CCNH: variants seen among roughly 807,000 people sequenced by gnomAD.
CCNH encodes cyclin H.
In CCNH, 31 loss-of-function variants were observed where a neutral mutation model predicts 41.9. The observed-to-expected ratio is 0.74, with a 90% CI of 0.56 to 1.00. CCNH has a LOEUF of 1.00. Ranked by LOEUF, CCNH falls within the 50% of genes least tolerant of loss-of-function variation. The pLI is 0.00. For missense variants in CCNH, 362 were observed against 388.4 expected (o/e 0.93, Z 0.57); for synonymous variants, 138 against 136.1 (o/e 1.01, Z -0.10).
chr5:87,389,728 G>A (rs1762346985), downstream of CCNH, among the ~76,000 whole-genome samples: 1 of 152,146 alleles, frequency 6.6e-6, no homozygotes, highest in South Asian at 2.1e-4. Flanking sequence ...AAAAACATCA[G>A]GTTTTGCTCT....
At chr5:87,376,846 C>T (rs207466197) in exon 1 of CCNH, 6 of 1,547,518 alleles carry the variant, frequency 3.9e-6, no homozygotes, top group Admixed American at 3.3e-5. Context: ...TATAATGCTA[C>T]GTACTTTAAA....
intron 9 of CCNH, among the ~76,000 whole-genome samples, chr5:87,346,927 T>C (rs888171427): frequency 2.0e-5 from 3 of 152,026 alleles, no homozygotes; most frequent in Non-Finnish European, 4.4e-5. Context: ...GTGTTTTTCT[T>C]TTACCCCAGG....
chr5:87,406,050 A>C (rs1343712468), intron 4 of CCNH, among the ~76,000 whole-genome samples: 2 of 152,134 alleles, frequency 1.3e-5, no homozygotes, highest in African/African-American at 4.8e-5. Context: ...AATATTTTCC[A>C]TCTGTCTTAA....
chr5:87,389,273 G>T, downstream of CCNH: 2 of 1,328,596 alleles, frequency 1.5e-6, no homozygotes, highest in African/African-American at 2.9e-5. Context: ...GGAGGTTGCA[G>T]TGAGCCGAGA....
chr5:87,389,469 T>C, downstream of CCNH: 2 of 1,614,178 alleles, frequency 1.2e-6, no homozygotes, highest in Non-Finnish European at 1.7e-6. Context: ...TTGCATGAGA[T>C]TTGCGTGGCT....
At chr5:87,388,172 G>GTCAGTTC (rs569800336), downstream of CCNH, among the ~76,000 whole-genome samples, 5 of 152,292 alleles carry the variant, frequency 3.3e-5, no homozygotes, top group South Asian at 1.0e-3. Flanking sequence ...TTCTACTGGA[G>GTCAGTTC]TCAGTTCTCT....
intron 9 of CCNH, among the ~76,000 whole-genome samples, chr5:87,324,652 T>G (rs1333424423): frequency 6.6e-6 from 1 of 152,232 alleles, no homozygotes; most frequent in Non-Finnish European, 1.5e-5. Context: ...CATGCACGCA[T>G]GTGCACACAC....
chr5:87,395,033 G>A lies in CCNH; in HGVS notation c.933+11C>T. On this transcript the variant is annotated intron_variant, in intron 8 of 8. Coordinates refer to ENST00000256897, the MANE Select transcript of CCNH (RefSeq NM_001239.4). ...AAATAACTTAGAGTTCATCTTTGGA[G>A]TAAAACATACCTCCTCATGTTTGGA... 1 of 1,609,932 alleles carries A rather than the reference G, an allele frequency of 6.2e-7. No individual in the cohort carries two copies. Among genetic ancestry groups the A allele is most frequent in the Non-Finnish European group, 8.5e-7 (1 of 1,176,544 alleles).
chr5:87,366,738 TTTTTC>T (rs1468145484), intron 9 of CCNH, among the ~76,000 whole-genome samples: 1 of 152,190 alleles, frequency 6.6e-6, no homozygotes, highest in Non-Finnish European at 1.5e-5. Flanking sequence ...AGAAAACAGA[TTTTTC>T]TTTTAAGACT....
chr5:87,386,826 G>A, downstream of CCNH: 1 of 1,612,066 alleles, frequency 6.2e-7, no homozygotes, highest in Non-Finnish European at 8.5e-7. Context: ...TATTTTTCAG[G>A]AGCCCTACAT....
chr5:87,385,436 T>TTA (rs770236679), intron 9 of CCNH: 1 of 1,387,212 alleles, frequency 7.2e-7, no homozygotes, highest in Admixed American at 1.7e-5. Flanking sequence ...AATGCAAGTT[T>TTA]GACATGATAA....
intron 9 of CCNH, among the ~76,000 whole-genome samples, chr5:87,385,665 T>C (rs1762014264): frequency 6.6e-6 from 1 of 152,066 alleles, no homozygotes; most frequent in African/African-American, 2.4e-5. Flanking sequence ...ATGAGTACAT[T>C]TTAATACAAA....
intron 9 of CCNH, among the ~76,000 whole-genome samples, chr5:87,370,957 C>G (rs2112477342): frequency 6.6e-6 from 1 of 152,238 alleles, no homozygotes; most frequent in Non-Finnish European, 1.5e-5. Context: ...ATGTAATGCA[C>G]ATAAAATTTT....
At chr5:87,363,523 A>C (rs768272827) in intron 9 of CCNH, 4 of 1,605,980 alleles carry the variant, frequency 2.5e-6, no homozygotes, top group Non-Finnish European at 3.4e-6. Flanking sequence ...CTGGTTTCCT[A>C]TTTTTCTTTC....
Position 87,362,890 on chromosome 5 carries a change from T to TTTTC in CCNH, c.*90+29876_*90+29879dup, listed in dbSNP as rs547648090. On this transcript the variant is annotated intron_variant and NMD_transcript_variant, in intron 9 of 9. Coordinates refer to the CCNH transcript ENST00000645953. Reference sequence around the variant, plus strand: ...TGTTTCTTCTACCCATGGTTTCTTTTTTTCTTTCTTTCTTTCTTTTTTTTT... The same window carrying TTTTC: ...TGTTTCTTCTACCCATGGTTTCTTTTTTTCTTTCTTTCTTTCTTTCTTTTTTTTT... 1.3e-4 allele frequency among the ~76,000 whole-genome samples: 20 copies of TTTTC among 151,652 alleles called. No individual in the cohort carries two copies. The Middle Eastern group carries it at 0.01, about 78-fold the overall frequency.
At chr5:87,329,475 A>C (rs1343370078) in intron 9 of CCNH, among the ~76,000 whole-genome samples, 1 of 152,036 alleles carries the variant, frequency 6.6e-6, no homozygotes, top group Non-Finnish European at 1.5e-5. Flanking sequence ...ACTAAAAACC[A>C]CAAATAAACA....
chr5:87,387,291 G>C (rs1263193076), downstream of CCNH, among the ~76,000 whole-genome samples: 1 of 152,064 alleles, frequency 6.6e-6, no homozygotes, highest in Non-Finnish European at 1.5e-5. Context: ...TTCTGACCAG[G>C]TTAAATAAGT....
In CCNH at chr5:87,412,668, A is replaced by AT. The variant is rs777608149; in HGVS notation, c.117+9_117+10insA. On this transcript the variant is annotated intron_variant, in intron 1 of 8. Coordinates refer to ENST00000256897, the MANE Select transcript of CCNH (RefSeq NM_001239.4). ...ACCGGGCAACTGGGCAACCGTTGGG[A>AT]AAACCTCACCTTCCCGTTGGCCACG... The AT allele has an allele frequency of 3.1e-6, 5 of 1,613,686 alleles. No homozygotes were observed. The highest frequency in any genetic ancestry group is 1.6e-4 in the Middle Eastern group (1 of 6,062).
At chr5:87,371,054 T>A (rs1308260202) in intron 9 of CCNH, among the ~76,000 whole-genome samples, 1 of 152,082 alleles carries the variant, frequency 6.6e-6, no homozygotes, top group Admixed American at 6.6e-5. Flanking sequence ...ATGTTAGAAA[T>A]TGAGTTAGAA....
Sources: allele counts gnomAD v4.1 joint callset (sites outside exome capture counted in the v4.1 genomes callset), GRCh38; gene constraint gnomAD v4.1.1; transcripts MANE v1.5; gene names NCBI Gene and HGNC (gene_info 2026-07-23, HGNC 2026-07-21).